Variants in MGAT4A observed in about 807,000 individuals in gnomAD.
MGAT4A encodes N-acetylglucosaminyltransferase IVa.
Under a neutral mutation model 74.1 loss-of-function variants are expected in MGAT4A, and 33 were observed. The ratio of observed to expected loss-of-function variants is 0.45; its 90% confidence interval spans 0.34 to 0.60. The LOEUF (loss-of-function observed/expected upper bound fraction) is 0.60, where lower values mean the gene tolerates loss of function less well. Among genes scored for constraint, MGAT4A ranks in the 20% least tolerant of loss-of-function variants. The probability of loss-of-function intolerance (pLI) is 0.02; values close to 1 mark genes in which losing one functional copy is unlikely to be tolerated. For missense variants in MGAT4A, 479 were observed against 628.3 expected, an observed-to-expected ratio of 0.76 and a Z score of 2.54; for synonymous variants, 198 against 210.4, an observed-to-expected ratio of 0.94 and a Z score of 0.51.
chr2:98,643,303 C>T (rs1421376375), intron 10 of MGAT4A, among the ~76,000 whole-genome samples: 9 of 152,030 alleles, frequency 5.9e-5, no homozygotes, highest in Non-Finnish European at 1.0e-4. Flanking sequence ...GGATTACAGG[C>T]GTGAACCACT....
At chr2:98,688,048 T>C (rs1354948712) in intron 2 of MGAT4A, among the ~76,000 whole-genome samples, 2 of 152,146 alleles carry the variant, frequency 1.3e-5, no homozygotes, top group Admixed American at 6.5e-5. Flanking sequence ...CAGGTGAGGA[T>C]ATAGGTTATC....
chr2:98,624,292 G>A lies in MGAT4A; in HGVS notation c.*1274C>T, dbSNP rs1009941417. On this transcript the variant is annotated 3_prime_UTR_variant, in exon 16 of 16. Transcript: ENST00000393487. ...CTCCCAAAGTGCTGGGATTACAGGC[G>A]TGAGCCACAGCGCCTGGTGATAATT... The A allele has an allele frequency of 1.5e-5, 14 of 951,322 alleles. No homozygotes were observed. Among genetic ancestry groups the A allele is most frequent in the Admixed American group, 6.2e-5 (1 of 16,210 alleles). 58.9% of individuals were successfully genotyped at this position (951,322 alleles called of 1,614,324 possible).
chr2:98,647,305 T>TTG (rs397795094), intron 8 of MGAT4A, among the ~76,000 whole-genome samples: 3 of 33,842 alleles, frequency 8.9e-5, no homozygotes, highest in Non-Finnish European at 9.1e-5. Context: ...TGTAATGTGC[T>TTG]CTTTTTTTAT....
chr2:98,700,431 A>G (rs1575275028), intron 2 of MGAT4A, among the ~76,000 whole-genome samples: 1 of 143,484 alleles, frequency 7.0e-6, no homozygotes, highest in Admixed American at 6.9e-5. Context: ...TTATCTGTCT[A>G]TCTATCTATC....
intron 1 of MGAT4A, among the ~76,000 whole-genome samples, chr2:98,728,991 TAA>T (rs1389526878): frequency 2.0e-5 from 3 of 152,134 alleles, no homozygotes; most frequent in African/African-American, 7.2e-5. Context: ...GTTATTAGAG[TAA>T]GCACTCAATT....
Position 98,621,311 on chromosome 2 carries a change from T to C in MGAT4A, c.*4255A>G. On this transcript the variant is annotated 3_prime_UTR_variant, in exon 16 of 16. Transcript: ENST00000393487. ...CTTTCCAAGCCTATGAATGAGCTTA[T>C]GGGCTGAATTCAGTTCCCGTGGCTG... is the stretch of plus-strand genomic sequence containing the variant. 1 of 1,423,278 alleles carries C rather than the reference T, an allele frequency of 7.0e-7. No homozygotes were observed. Among genetic ancestry groups the C allele is most frequent in the Non-Finnish European group, 9.3e-7 (1 of 1,072,602 alleles). The allele number at this position is 1,423,278 out of a possible 1,614,324, so 88.2% of individuals were successfully genotyped here. A position where few individuals can be genotyped will look rare whatever the true frequency, so the allele number is the denominator to read the frequency against.
intron 14 of MGAT4A, among the ~76,000 whole-genome samples, chr2:98,632,399 C>T (rs1701253052): frequency 6.6e-6 from 1 of 152,222 alleles, no homozygotes; most frequent in African/African-American, 2.4e-5. Context: ...CCCGTCTCAA[C>T]AGCAGCTTGT....
chr2:98,644,670 G>C (rs868559707), intron 9 of MGAT4A, among the ~76,000 whole-genome samples: 1 of 146,204 alleles, frequency 6.8e-6, no homozygotes, highest in Non-Finnish European at 1.5e-5. Context: ...TCTCACTCTC[G>C]TCCCCAAGGC....
rs1701324162 is a variant in MGAT4A at position 98,636,510 on chromosome 2, G to A, written c.1401+7C>T. On this transcript the variant is annotated splice_region_variant and intron_variant, in intron 13 of 15. Transcript: ENST00000393487. ...TAGGGAAAGGTAAGAGGAAATAGCAGTCATACCTTAAAAGGCAAAACTTCC... is the reference window on the plus strand; with the variant it reads ...TAGGGAAAGGTAAGAGGAAATAGCAATCATACCTTAAAAGGCAAAACTTCC... 1 of 1,604,462 alleles carries A rather than the reference G, an allele frequency of 6.2e-7. No homozygotes were observed. The highest frequency in any genetic ancestry group is 8.5e-7 in the Non-Finnish European group (1 of 1,171,226).
At chr2:98,656,041 A>G (rs1330921862) in intron 7 of MGAT4A, 2 of 274,056 alleles carry the variant, frequency 7.3e-6, no homozygotes, top group Non-Finnish European at 6.9e-6. Context: ...TGAATGCTTT[A>G]AAAAATTCAT....
intron 2 of MGAT4A, among the ~76,000 whole-genome samples, chr2:98,696,070 T>TG (rs775880928): frequency 2.7e-4 from 41 of 151,958 alleles, no homozygotes; most frequent in East Asian, 1.7e-3. Flanking sequence ...TTTGTAGAGA[T>TG]GGGGGTCTCA....
chr2:98,690,143 C>G (rs540750692), intron 2 of MGAT4A, among the ~76,000 whole-genome samples: 3 of 152,266 alleles, frequency 2.0e-5, no homozygotes, highest in African/African-American at 7.2e-5. Flanking sequence ...TGGTCCCATC[C>G]CCACTCTATC....
chr2:98,717,913 C>G (rs541286339), intron 2 of MGAT4A, among the ~76,000 whole-genome samples: 1 of 152,316 alleles, frequency 6.6e-6, no homozygotes, highest in African/African-American at 2.4e-5. Context: ...TATTCCAAGT[C>G]CTAGACTTAG....
At chr2:98,692,152 T>G (rs1431491330) in intron 2 of MGAT4A, among the ~76,000 whole-genome samples, 5 of 152,166 alleles carry the variant, frequency 3.3e-5, no homozygotes, top group African/African-American at 1.2e-4. Context: ...TAGAGTGCAG[T>G]GGCCTGATCA....
chr2:98,670,713 T>C lies in MGAT4A; in HGVS notation c.403+4322A>G, dbSNP rs147486677. The stretch of plus-strand genomic sequence containing the variant: ...CAGTTTTTTTTCTTCCACTGCCTAG[T>C]TGCCCTTTCTCTGTCTCTGTCTTCC... On this transcript the variant is annotated intron_variant, in intron 4 of 15. Transcript: ENST00000393487. Among the ~76,000 whole-genome samples, 362 of 152,302 alleles carry C rather than the reference T, an allele frequency of 2.4e-3. 2 individuals carry two copies. The highest frequency in any genetic ancestry group is 8.3e-3 in the African/African-American group (347 of 41,560).
chr2:98,693,601 C>T (rs138394545), intron 2 of MGAT4A, among the ~76,000 whole-genome samples: 6 of 147,658 alleles, frequency 4.1e-5, no homozygotes, highest in South Asian at 2.2e-4. Flanking sequence ...CACATACTTG[C>T]GGGGGCTCAG....
intron 14 of MGAT4A, among the ~76,000 whole-genome samples, chr2:98,632,619 C>T (rs569258604): frequency 6.6e-6 from 1 of 152,238 alleles, no homozygotes; most frequent in South Asian, 2.1e-4. Flanking sequence ...CTACAGAGCT[C>T]TCTGTTCTTC....
At chr2:98,631,021 T>C (rs532408326) in intron 14 of MGAT4A, among the ~76,000 whole-genome samples, 2 of 152,304 alleles carry the variant, frequency 1.3e-5, no homozygotes, top group Non-Finnish European at 2.9e-5. Context: ...GCTACAGCCG[T>C]GGCTCCCCTC....
At chr2:98,663,540 A>G in intron 4 of MGAT4A, 4 of 1,176,126 alleles carry the variant, frequency 3.4e-6, no homozygotes, top group Non-Finnish European at 4.5e-6. Context: ...AGCATGTGAC[A>G]TGCCGAGAAG....
Sources: gnomAD v4.1 joint callset for allele counts (sites outside exome capture counted in the v4.1 genomes callset) on GRCh38, gnomAD v4.1.1 for gene constraint, MANE v1.5 for transcripts, NCBI Gene and HGNC (gene_info 2026-07-23, HGNC 2026-07-21) for gene names.